The following PTPN4 variants were observed in gnomAD, a reference collection of about 807,000 sequenced individuals.
The protein encoded by PTPN4 is tyrosine-protein phosphatase non-receptor type 4.
PTPN4 carries 49 observed loss-of-function variants against 135.5 expected under a neutral mutation model. The observed-to-expected ratio is 0.36, with a 90% confidence interval of 0.29 to 0.46. PTPN4 has a LOEUF of 0.46. Ranked by LOEUF, PTPN4 falls within the 20% of genes least tolerant of loss-of-function variation. PTPN4 has a pLI of 1.00. For synonymous variants in PTPN4, 333 were observed against 369.9 expected, an observed-to-expected ratio of 0.90 and a Z score of 1.14; for missense variants, 860 against 1,101.0, an observed-to-expected ratio of 0.78 and a Z score of 3.10.
At chr2:119,968,110 G>T (rs867573105) in intron 26 of PTPN4, 138 bp downstream of exon 26, 6 of 711,232 alleles carry the variant, frequency 8.4e-6, no homozygotes, top group South Asian at 3.8e-5. Flanking sequence ...TAGCACAGGG[G>T]TAAGCAAACT....
intron 1 of PTPN4, among the ~76,000 whole-genome samples, chr2:119,786,579 C>A (rs1691052236): frequency 1.3e-5 from 2 of 152,168 alleles, no homozygotes; most frequent in African/African-American, 4.8e-5. Context: ...TTCCTTTCTA[C>A]ATGTGACCTG....
chr2:119,784,384 A>ATTTT (rs35755705), intron 1 of PTPN4, among the ~76,000 whole-genome samples: 2 of 107,968 alleles, frequency 1.9e-5, no homozygotes, highest in Non-Finnish European at 3.6e-5. Flanking sequence ...TGCCCACCTA[A>ATTTT]TTTTTTTTTT....
At chr2:119,764,704 A>G (rs936024431) in intron 1 of PTPN4, among the ~76,000 whole-genome samples, 1 of 152,134 alleles carries the variant, frequency 6.6e-6, no homozygotes, top group African/African-American at 2.4e-5. Flanking sequence ...GGTTAAAAAA[A>G]TTAAAATAGG....
chr2:119,914,623 G>A (rs1678624832), intron 10 of PTPN4, among the ~76,000 whole-genome samples: 1 of 152,026 alleles, frequency 6.6e-6, no homozygotes. Context: ...AATCTCTTTA[G>A]CCTTATTACC....
intron 11 of PTPN4, among the ~76,000 whole-genome samples, chr2:119,917,094 CTT>C (rs769280757): frequency 1.5e-4 from 23 of 152,094 alleles, no homozygotes; most frequent in Non-Finnish European, 2.5e-4. Flanking sequence ...TCTAATTAGA[CTT>C]ATAATAATAT....
chr2:119,928,534 G>A (rs990482836), intron 13 of PTPN4, among the ~76,000 whole-genome samples: 3 of 151,898 alleles, frequency 2.0e-5, no homozygotes, highest in African/African-American at 7.3e-5. Flanking sequence ...CAATATGAGG[G>A]GGTTGGACCA....
chr2:119,824,606 G>A lies in PTPN4; in HGVS notation c.138+14615G>A, dbSNP rs201305226. ...TAATTTTTATCTTTTGTATTTTGGA[G>A]CCCTGTTGTTAGATACCCATTTGGG... is the stretch of plus-strand genomic sequence containing the variant. On this transcript the variant is annotated intron_variant, in intron 2 of 26. Coordinates refer to ENST00000263708, the MANE Select transcript of PTPN4 (RefSeq NM_002830.4). Among the ~76,000 whole-genome samples, 11 of 152,176 alleles carry A rather than the reference G, an allele frequency of 7.2e-5. No homozygotes were observed. In the East Asian group the frequency reaches 1.9e-3, roughly 27 times the overall value.
chr2:119,868,200 A>G (rs762479062), intron 3 of PTPN4, among the ~76,000 whole-genome samples: 1 of 152,218 alleles, frequency 6.6e-6, no homozygotes, highest in Non-Finnish European at 1.5e-5. Context: ...TTAAAGATGC[A>G]TCCAGGAAAT....
intron 1 of PTPN4, among the ~76,000 whole-genome samples, chr2:119,808,307 T>C (rs1288471738): frequency 6.6e-6 from 1 of 152,190 alleles, no homozygotes; most frequent in Non-Finnish European, 1.5e-5. Context: ...GCAGATGACA[T>C]GATTGTATAT....
chr2:119,812,927 C>T (rs1676919424), intron 2 of PTPN4, among the ~76,000 whole-genome samples: 1 of 152,134 alleles, frequency 6.6e-6, no homozygotes, highest in South Asian at 2.1e-4. Flanking sequence ...GTATGATGAA[C>T]AAGGAAGGGC....
chr2:119,874,644 G>T (rs935073894), intron 3 of PTPN4, among the ~76,000 whole-genome samples: 1 of 152,118 alleles, frequency 6.6e-6, no homozygotes, highest in Non-Finnish European at 1.5e-5. Flanking sequence ...CTGCGAATAG[G>T]TACAAGATTA....
chr2:119,927,794 T>C (rs777666754), intron 13 of PTPN4, among the ~76,000 whole-genome samples: 17 of 152,216 alleles, frequency 1.1e-4, no homozygotes, highest in Non-Finnish European at 2.1e-4. Flanking sequence ...ACTAGAAAGT[T>C]TGCTTTTGAT....
At chr2:119,790,620 G>A (rs1048222662) in intron 1 of PTPN4, among the ~76,000 whole-genome samples, 1 of 151,552 alleles carries the variant, frequency 6.6e-6, no homozygotes, top group Non-Finnish European at 1.5e-5. Flanking sequence ...ATTGGAGCAG[G>A]GTTTTAAAAA....
chr2:119,829,588 T>C (rs538009904), intron 2 of PTPN4, among the ~76,000 whole-genome samples: 1 of 152,244 alleles, frequency 6.6e-6, no homozygotes, highest in Non-Finnish European at 1.5e-5. Context: ...TGTCTTATTG[T>C]GTTTGGCTTA....
chr2:119,965,788 G>T, intron 25 of PTPN4, 143 bp downstream of exon 25: 1 of 940,622 alleles, frequency 1.1e-6, no homozygotes, highest in African/African-American at 1.7e-5. Flanking sequence ...GGAGGCAAAG[G>T]ATATGTTCTA....
At chr2:119,770,784 C>G (rs1480023118) in intron 1 of PTPN4, among the ~76,000 whole-genome samples, 1 of 151,920 alleles carries the variant, frequency 6.6e-6, no homozygotes, top group Non-Finnish European at 1.5e-5. Context: ...CTTGTGTAAC[C>G]CATTTCCTTT....
intron 2 of PTPN4, among the ~76,000 whole-genome samples, chr2:119,835,429 C>T (rs1275724023): frequency 1.3e-5 from 2 of 152,092 alleles, no homozygotes; most frequent in African/African-American, 4.8e-5. Flanking sequence ...GTGACCCACC[C>T]GCCTCGGTCC....
intron 1 of PTPN4, among the ~76,000 whole-genome samples, chr2:119,794,563 C>T (rs576737250): frequency 7.2e-5 from 11 of 152,186 alleles, no homozygotes; most frequent in South Asian, 2.1e-4. Context: ...CCACGGCTGA[C>T]GCTGGGGAAT....
At chr2:119,849,190 T>G (rs1260216717) in intron 2 of PTPN4, among the ~76,000 whole-genome samples, 1 of 152,234 alleles carries the variant, frequency 6.6e-6, no homozygotes, top group African/African-American at 2.4e-5. Flanking sequence ...CAGTCTGACA[T>G]GTAGGCCCTC....
Sources: gnomAD v4.1 joint callset for allele counts (sites outside exome capture counted in the v4.1 genomes callset) on GRCh38, gnomAD v4.1.1 for gene constraint, MANE v1.5 for transcripts, NCBI Gene and HGNC (gene_info 2026-07-23, HGNC 2026-07-21) for gene names.